Variants in SPNS3 observed in about 807,000 individuals in gnomAD.
The protein encoded by SPNS3 is SPNS lysolipid transporter 3, sphingosine-1-phosphate (putative), also known as protein spinster homolog 3.
In SPNS3, 51 loss-of-function variants were observed where a neutral mutation model predicts 54.4. The observed-to-expected ratio is 0.94, with a 90% CI of 0.75 to 1.18. SPNS3 has a LOEUF of 1.18. Among genes scored for constraint, SPNS3 ranks in the 50% most tolerant of loss-of-function variants. The pLI, the probability that SPNS3 is intolerant of heterozygous loss-of-function variation, is 0.00. For synonymous variants in SPNS3, 309 were observed against 294.7 expected (o/e 1.05, Z -0.50); for missense variants, 669 against 677.4 (o/e 0.99, Z 0.14).
At chr17:4,444,100 C>G (rs1970919687) in intron 2 of SPNS3, among the ~76,000 whole-genome samples, 1 of 151,934 alleles carries the variant, frequency 6.6e-6, no homozygotes, top group African/African-American at 2.4e-5. Flanking sequence ...GACTTTGTCT[C>G]AAAAAGTAAA....
intron 2 of SPNS3, among the ~76,000 whole-genome samples, chr17:4,440,709 G>A (rs1400511953): frequency 6.6e-6 from 1 of 152,064 alleles, no homozygotes; most frequent in Non-Finnish European, 1.5e-5. Context: ...AAAAACCTCT[G>A]GGGTATCAAA....
intron 8 of SPNS3, among the ~76,000 whole-genome samples, chr17:4,476,228 G>A (rs1268743967): frequency 2.0e-5 from 3 of 152,174 alleles, no homozygotes; most frequent in East Asian, 1.9e-4. Flanking sequence ...AAGTGGAGAC[G>A]AGGATTTGTT....
At chr17:4,452,935 G>A (rs993332445) in intron 7 of SPNS3, 81 bp from the exon 8 acceptor site, 24 of 1,403,808 alleles carry the variant, frequency 1.7e-5, no homozygotes, top group Non-Finnish European at 2.1e-5. Context: ...CGAGGGGCTA[G>A]ACCTGGGGCT....
chr17:4,480,383 A>T (rs1044472582), intron 9 of SPNS3, among the ~76,000 whole-genome samples: 2 of 152,328 alleles, frequency 1.3e-5, no homozygotes, highest in Non-Finnish European at 2.9e-5. Flanking sequence ...AGGGGAAGGC[A>T]TTGGCAAATG....
At chr17:4,480,132 C>T (rs895397896) in intron 9 of SPNS3, among the ~76,000 whole-genome samples, 20 of 152,234 alleles carry the variant, frequency 1.3e-4, no homozygotes, top group African/African-American at 4.6e-4. Flanking sequence ...CCCCTCCCCA[C>T]GGCCCAGGCC....
chr17:4,446,946 G>T lies in SPNS3; in HGVS notation c.605G>T (p.Trp202Leu). 1 of 1,614,134 alleles carries T rather than the reference G, an allele frequency of 6.2e-7. No individual in the cohort carries two copies. Among genetic ancestry groups the T allele is most frequent in the Non-Finnish European group, 8.5e-7 (1 of 1,180,012 alleles). Residue 202 changes from tryptophan (W) to leucine (L), a missense_variant, in exon 5 of 12, where the codon TGG (tryptophan) becomes TTG (leucine). Coordinates refer to ENST00000355530, the MANE Select transcript of SPNS3 (RefSeq NM_182538.5). Reference sequence around the variant, plus strand: ...GCTGTGACGATGCTGACTGGGAACTGGCGCTGGGCCCTCCGAGTGAGTCCA... The same window carrying T: ...GCTGTGACGATGCTGACTGGGAACTTGCGCTGGGCCCTCCGAGTGAGTCCA... ...GSAVTMLTGN[W>L]RWALRVMPCL...
intron 3 of SPNS3, among the ~76,000 whole-genome samples, chr17:4,445,634 C>T (rs548906543): frequency 2.2e-4 from 33 of 152,262 alleles, no homozygotes; most frequent in Middle Eastern, 3.4e-3. Flanking sequence ...ACCTCGGCCT[C>T]CTAAAGTGCT....
At chr17:4,485,391 A>T (rs1013716556) in intron 9 of SPNS3, among the ~76,000 whole-genome samples, 2 of 149,076 alleles carry the variant, frequency 1.3e-5, no homozygotes, top group Non-Finnish European at 1.5e-5. Context: ...AGAGTTCTTT[A>T]TTTTTTTTAT....
intron 8 of SPNS3, among the ~76,000 whole-genome samples, chr17:4,471,710 C>T (rs1597335488): frequency 6.6e-6 from 1 of 152,124 alleles, no homozygotes; most frequent in Non-Finnish European, 1.5e-5. Context: ...AAGTGATCCA[C>T]CCTCCTCGGC....
chr17:4,478,688 T>A (rs375230519), intron 9 of SPNS3, 51 bp downstream of exon 9: 1 of 1,541,910 alleles, frequency 6.5e-7, no homozygotes, highest in African/African-American at 1.4e-5. Flanking sequence ...CTGGAGAGGA[T>A]TGGGCCTCTG....
Position 4,486,642 on chromosome 17 carries a change from C to G in SPNS3, c.1450+59C>G. ...GCCGGCACCCTAGGGACAGACAGCA[C>G]TGGCCACCCCCTGAATCCCTGGCCA... is the stretch of plus-strand genomic sequence containing the variant. On this transcript the variant is annotated intron_variant, in intron 11 of 11. Coordinates refer to ENST00000355530, the MANE Select transcript of SPNS3 (RefSeq NM_182538.5). This position sits in a 1 kb window ranked among gnomAD's most constrained non-coding sequence, Gnocchi z 5.5. 2 of 1,520,922 alleles carry G rather than the reference C, an allele frequency of 1.3e-6. No individual in the cohort carries two copies. Among genetic ancestry groups the G allele is most frequent in the South Asian group, 2.4e-5 (2 of 82,510 alleles). 94.2% of individuals were successfully genotyped at this position (1,520,922 alleles called of 1,614,324 possible). A position where few individuals can be genotyped will look rare whatever the true frequency, so the allele number is the denominator to read the frequency against.
At chr17:4,449,162 A>G (rs1342104088) in intron 6 of SPNS3, 73 bp from the exon 7 acceptor site, 105 of 1,523,510 alleles carry the variant, frequency 6.9e-5, no homozygotes, top group Non-Finnish European at 5.7e-5. Flanking sequence ...ACTGCCCAGG[A>G]GTGGGGAGGA....
intron 8 of SPNS3, among the ~76,000 whole-genome samples, chr17:4,468,346 C>T (rs111949793): frequency 3.3e-5 from 5 of 152,048 alleles, no homozygotes; most frequent in African/African-American, 1.2e-4. Context: ...GAAATCACTC[C>T]AGAGGATTTG....
At chr17:4,464,495 T>C (rs1236952584) in intron 8 of SPNS3, among the ~76,000 whole-genome samples, 2 of 152,084 alleles carry the variant, frequency 1.3e-5, no homozygotes, top group Admixed American at 1.3e-4. Context: ...GGAGGGAGCA[T>C]GCTGTGAGCT....
At chr17:4,460,828 G>A (rs1971479310) in intron 8 of SPNS3, among the ~76,000 whole-genome samples, 1 of 152,064 alleles carries the variant, frequency 6.6e-6, no homozygotes, top group Admixed American at 6.6e-5. Flanking sequence ...TTTTCTTGTG[G>A]TGTCTTCATC....
chr17:4,458,588 CCTTTCTTTCTTT>C (rs1188233610), intron 8 of SPNS3, among the ~76,000 whole-genome samples: 670 of 59,234 alleles, frequency 0.011, 7 homozygotes, highest in Admixed American at 0.021. Context: ...TTCCTTCCCT[CCTTTCTTTCTTT>C]CTTTCTTTCT....
intron 8 of SPNS3, among the ~76,000 whole-genome samples, chr17:4,455,809 C>T (rs900682530): frequency 2.0e-5 from 3 of 152,188 alleles, no homozygotes; most frequent in Non-Finnish European, 4.4e-5. Flanking sequence ...CTAAAGACGT[C>T]TTCTATGCAC....
chr17:4,472,774 C>CATTTTTTTTTTTTTTTTTTTTTTTT (rs1567572187), intron 8 of SPNS3, among the ~76,000 whole-genome samples: 3 of 50,972 alleles, frequency 5.9e-5, no homozygotes, highest in African/African-American at 2.7e-4. Context: ...GCTTGGCAGC[C>CATTTTTTTTTTTTTTTTTTTTTTTT]TTTTTTTTTT....
chr17:4,481,968 G>A (rs183176753), intron 9 of SPNS3: 3,629 of 151,544 alleles, frequency 0.024, 64 homozygotes, highest in African/African-American at 0.046. Flanking sequence ...AGCTCACTGC[G>A]ACCTCTGCCT....
Sources: allele counts gnomAD v4.1 joint callset (sites outside exome capture counted in the v4.1 genomes callset), GRCh38; gene constraint gnomAD v4.1.1; non-coding constraint Gnocchi (gnomAD v3.1); transcripts MANE v1.5; gene names NCBI Gene and HGNC (gene_info 2026-07-23, HGNC 2026-07-21).